Variants in MAP7D2 observed in about 807,000 individuals in gnomAD.
MAP7D2 encodes the protein MAP7 domain containing 2.
In MAP7D2, 33 loss-of-function variants were observed where a neutral mutation model predicts 63.5. The ratio of observed to expected loss-of-function variants is 0.52; its 90% confidence interval spans 0.39 to 0.70. The LOEUF is 0.70. MAP7D2 is among the 30% of genes least tolerant of loss of function. The pLI is 0.00. For synonymous variants in MAP7D2, 224 were observed against 223.7 expected (o/e 1.00, Z -0.01); for missense variants, 626 against 604.0 (o/e 1.04, Z -0.38).
chrX:20,023,681 G>A (rs754458124), intron 10 of MAP7D2, among the ~76,000 whole-genome samples: 6 of 111,504 alleles, frequency 5.4e-5, no homozygotes, highest in Non-Finnish European at 7.5e-5. Flanking sequence ...ACACGACTAC[G>A]ATCATGTTAC....
chrX:20,110,215 C>T (rs1236134746), intron 1 of MAP7D2, among the ~76,000 whole-genome samples: 2 of 105,620 alleles, frequency 1.9e-5, no homozygotes, highest in African/African-American at 3.5e-5. Context: ...GGGAGGGGCA[C>T]GGTGGTTCAC....
At chrX:20,050,366 T>A (rs1459852347) in intron 6 of MAP7D2, among the ~76,000 whole-genome samples, 1 of 112,129 alleles carries the variant, frequency 8.9e-6, no homozygotes, top group African/African-American at 3.2e-5. Flanking sequence ...CATTGTGCTA[T>A]CTCATTTGCA....
At chrX:20,084,545 T>TCTCCCTCCCTCCCTCCC (rs1555907483) in intron 1 of MAP7D2, among the ~76,000 whole-genome samples, 1 of 55,402 alleles carries the variant, frequency 1.8e-5, no homozygotes, top group Non-Finnish European at 3.3e-5. Flanking sequence ...TTCCTTCCTG[T>TCTCCCTCCCTCCCTCCC]TCCCTCCCTC....
At chrX:20,023,489 C>G (rs942733560) in intron 10 of MAP7D2, among the ~76,000 whole-genome samples, 3 of 112,368 alleles carry the variant, frequency 2.7e-5, no homozygotes, top group African/African-American at 6.5e-5. Context: ...CAAAGCCAAC[C>G]AAGAAACTGA....
chrX:20,057,414 C>T (rs1389218351), intron 3 of MAP7D2, among the ~76,000 whole-genome samples: 7 of 110,904 alleles, frequency 6.3e-5, no homozygotes, highest in African/African-American at 9.8e-5. Context: ...AGCATCCATG[C>T]GTTCCCAGAG....
chrX:20,067,475 C>A (rs2065390365), intron 1 of MAP7D2, among the ~76,000 whole-genome samples: 1 of 111,159 alleles, frequency 9.0e-6, no homozygotes, highest in South Asian at 3.9e-4. Context: ...GAGGTAATAA[C>A]TGAGCAGTTC....
chrX:20,048,367 G>A (rs1266727656), intron 6 of MAP7D2, among the ~76,000 whole-genome samples: 1 of 111,095 alleles, frequency 9.0e-6, no homozygotes, highest in Non-Finnish European at 1.9e-5. Flanking sequence ...CATTGCTGGG[G>A]TGAAAGGCGT....
intron 9 of MAP7D2, 125 bp from the exon 10 acceptor site, chrX:20,025,208 C>T: frequency 3.7e-6 from 3 of 807,161 alleles, no homozygotes; most frequent in African/African-American, 2.0e-5. Flanking sequence ...TGGGAAATGC[C>T]GTCCAGACTA....
intron 2 of MAP7D2, among the ~76,000 whole-genome samples, chrX:20,063,817 TG>T (rs2065281369): frequency 8.9e-6 from 1 of 112,242 alleles, no homozygotes; most frequent in African/African-American, 3.2e-5. Flanking sequence ...CAGTCATGTT[TG>T]CCACATCACA....
At chrX:20,067,468 G>A (rs2065390136) in intron 1 of MAP7D2, among the ~76,000 whole-genome samples, 1 of 110,862 alleles carries the variant, frequency 9.0e-6, no homozygotes, top group Non-Finnish European at 1.9e-5. Flanking sequence ...ATAATAAGAG[G>A]TAATAACTGA....
chrX:20,063,133 C>T (rs1389672765), intron 3 of MAP7D2, among the ~76,000 whole-genome samples: 1 of 111,988 alleles, frequency 8.9e-6, no homozygotes, highest in Non-Finnish European at 1.9e-5. Context: ...AAATCCAACC[C>T]TCACTTCACA....
intron 1 of MAP7D2, among the ~76,000 whole-genome samples, chrX:20,091,079 T>C (rs1446307772): frequency 1.0e-5 from 1 of 95,730 alleles, no homozygotes; most frequent in East Asian, 3.3e-4. Flanking sequence ...GGAAATGGAG[T>C]CTTGCTCTTG....
At chrX:20,050,700 C>A in intron 6 of MAP7D2, 124 bp downstream of exon 6, 1 of 780,657 alleles carries the variant, frequency 1.3e-6, no homozygotes, top group Non-Finnish European at 1.7e-6. Context: ...CGTTATTAAC[C>A]AATGAAGACT....
intron 2 of MAP7D2, among the ~76,000 whole-genome samples, chrX:20,063,778 C>T (rs1273706400): frequency 8.9e-6 from 1 of 111,968 alleles, no homozygotes; most frequent in Non-Finnish European, 1.9e-5. Flanking sequence ...CATCTCTCTG[C>T]CTCGGTTTCC....
At chrX:20,076,458 C>T (rs2065644518) in intron 1 of MAP7D2, among the ~76,000 whole-genome samples, 1 of 111,717 alleles carries the variant, frequency 9.0e-6, no homozygotes, top group Admixed American at 9.5e-5. Context: ...GTAATCCCAG[C>T]ACTTTGGGAG....
At chrX:20,034,920 G>A (rs1468118542) in intron 8 of MAP7D2, among the ~76,000 whole-genome samples, 1 of 111,431 alleles carries the variant, frequency 9.0e-6, no homozygotes. Context: ...AAGCAATGAG[G>A]CATAGACCAA....
intron 1 of MAP7D2, among the ~76,000 whole-genome samples, chrX:20,082,669 T>A (rs999141274): frequency 2.9e-4 from 33 of 112,139 alleles, no homozygotes; most frequent in African/African-American, 1.1e-3. Flanking sequence ...CGCACTGTTG[T>A]CGGGGCTGCA....
At chrX:20,085,136 A>G (rs994363029) in intron 1 of MAP7D2, among the ~76,000 whole-genome samples, 2 of 111,937 alleles carry the variant, frequency 1.8e-5, no homozygotes, top group South Asian at 3.7e-4. Context: ...TACCAGGCAA[A>G]TAAGTCCCCT....
At chrX:20,011,547 G>T (rs1245233231) in intron 15 of MAP7D2, among the ~76,000 whole-genome samples, 1 of 112,343 alleles carries the variant, frequency 8.9e-6, no homozygotes, top group Non-Finnish European at 1.9e-5. Context: ...AGTAAAATGG[G>T]AACAATTGTT....
Sources: allele counts gnomAD v4.1 joint callset (sites outside exome capture counted in the v4.1 genomes callset), GRCh38; gene constraint gnomAD v4.1.1; transcripts MANE v1.5; gene names NCBI Gene and HGNC (gene_info 2026-07-23, HGNC 2026-07-21).